The following BCO2 variants were observed in gnomAD, a reference collection of about 807,000 sequenced individuals.
The protein encoded by BCO2 is beta-carotene oxygenase 2.
In BCO2, 56 loss-of-function variants were observed where a neutral mutation model predicts 65.8. The observed-to-expected ratio is 0.85, with a 90% CI of 0.69 to 1.06. The LOEUF is 1.06. BCO2 is among the 50% of genes least tolerant of loss of function. The pLI, the probability that BCO2 is intolerant of heterozygous loss-of-function variation, is 0.00. For synonymous variants in BCO2, 233 were observed against 242.3 expected (o/e 0.96, Z 0.36); for missense variants, 675 against 698.5 (o/e 0.97, Z 0.38).
rs771241545 is a variant in BCO2, at chr11:112,179,491, T to G, written c.293+9T>G. The G allele has an allele frequency of 1.2e-6, 2 of 1,611,976 alleles. No homozygotes were observed. The stretch of plus-strand genomic sequence containing the variant: ...GAGTTTGGGAAGGATAAGTAAGCCT[T>G]GATTTTGGAGAACAACTTGGATTTC... On this transcript the variant is annotated intron_variant, in intron 2 of 11. Coordinates refer to ENST00000357685, the MANE Select transcript of BCO2 (RefSeq NM_031938.7).
chr11:112,199,111 TC>T, intron 5 of BCO2, among the ~76,000 whole-genome samples: 1 of 152,086 alleles, frequency 6.6e-6, no homozygotes, highest in South Asian at 2.1e-4. Flanking sequence ...CTCCCCTAGC[TC>T]CCCACCCCCT....
chr11:112,207,422 T>C (rs138947533), intron 8 of BCO2, among the ~76,000 whole-genome samples: 1 of 152,346 alleles, frequency 6.6e-6, no homozygotes, highest in East Asian at 1.9e-4. Flanking sequence ...TTTAGACATC[T>C]TCTCATGGCA....
At chr11:112,186,451 A>T (rs959006965) in intron 2 of BCO2, among the ~76,000 whole-genome samples, 6 of 152,178 alleles carry the variant, frequency 3.9e-5, no homozygotes, top group African/African-American at 1.4e-4. Flanking sequence ...AAGGAGATAG[A>T]CACTCAGTTT....
chr11:112,181,845 T>A, intron 2 of BCO2: 1 of 961,924 alleles, frequency 1.0e-6, no homozygotes, highest in African/African-American at 1.6e-5. Flanking sequence ...AAATCTTTGC[T>A]GTTCAAATCT....
intron 9 of BCO2, among the ~76,000 whole-genome samples, chr11:112,214,251 A>C (rs1362639229): frequency 6.6e-6 from 1 of 152,086 alleles, no homozygotes; most frequent in African/African-American, 2.4e-5. Context: ...GGTTCAAGCA[A>C]TTCTCCTGCC....
Position 112,214,004 on chromosome 11 carries a change from A to C in BCO2, c.1332+143A>C, listed in dbSNP as rs951810028. The C allele has an allele frequency of 7.2e-5, 46 of 636,122 alleles. 2 individuals are homozygous for C. The highest frequency in any genetic ancestry group is 1.1e-4 in the Non-Finnish European group (43 of 400,138). The allele number at this position is 636,122 out of a possible 1,614,324, so 39.4% of individuals were successfully genotyped here. On this transcript the variant is annotated intron_variant, in intron 9 of 11. Transcript: ENST00000357685. ...GTTAAGGTTATGTAACATCGCTTGC[A>C]CAAGAATTGCAGAAACAGTGGGAAT... is the stretch of plus-strand genomic sequence containing the variant.
At chr11:112,204,264 A>G (rs997980946) in intron 8 of BCO2, among the ~76,000 whole-genome samples, 5 of 152,046 alleles carry the variant, frequency 3.3e-5, no homozygotes, top group Non-Finnish European at 4.4e-5. Flanking sequence ...ATTGAGTAAT[A>G]CTCCATTGTG....
In BCO2 at chr11:112,181,101, A is replaced by G. The variant is rs542743160; in HGVS notation, c.293+1619A>G. The G allele has an allele frequency of 4.3e-5, 64 of 1,492,128 alleles. No homozygotes were observed. The East Asian group carries it at 1.4e-3, about 33-fold the overall frequency. 92.4% of individuals were successfully genotyped at this position (1,492,128 alleles called of 1,614,324 possible). On this transcript the variant is annotated intron_variant, in intron 2 of 11. Coordinates refer to ENST00000357685, the MANE Select transcript of BCO2 (RefSeq NM_031938.7). ...ACTACACGGAGCACTTTAGTGAATA[A>G]AGAACCTGACAGTATGCTGGCCCAC...
intron 8 of BCO2, among the ~76,000 whole-genome samples, chr11:112,212,052 A>G (rs71478724): frequency 0.49 from 29,791 of 60,494 alleles, 3,888 homozygotes; most frequent in Non-Finnish European, 0.54. Context: ...TTATAAAAAA[A>G]AAAGCTAATA....
chr11:112,180,627 G>A (rs1867011053), intron 2 of BCO2: 1 of 660,280 alleles, frequency 1.5e-6, no homozygotes, highest in African/African-American at 1.8e-5. Context: ...GAGTGCATGT[G>A]TGTGGTGTGT....
intron 2 of BCO2, among the ~76,000 whole-genome samples, chr11:112,186,064 A>G (rs1397093998): frequency 6.6e-6 from 1 of 152,162 alleles, no homozygotes; most frequent in African/African-American, 2.4e-5. Context: ...ACAGACCAAG[A>G]ATTAGGGATG....
Position 112,194,720 on chromosome 11 carries a change from C to T in BCO2, c.701C>T (p.Thr234Ile). 2 of 1,612,272 alleles carry T rather than the reference C, an allele frequency of 1.2e-6. No individual in the cohort carries two copies. Among genetic ancestry groups the T allele is most frequent in the Non-Finnish European group, 1.7e-6 (2 of 1,178,810 alleles). Residue 234 changes from threonine to isoleucine, a missense_variant, in exon 5 of 12, where the codon ACA becomes ATA. Coordinates refer to ENST00000357685, the MANE Select transcript of BCO2 (RefSeq NM_031938.7). ...CATCCTCATTATGACCTGGATGGAA[C>T]AGCATACAATATGGGGAACTCCTTT... ...TAHPHYDLDGTAYNMGNSFGP... is the reference protein window; with the variant it reads ...TAHPHYDLDGIAYNMGNSFGP...
At chr11:112,181,181 T>A in intron 2 of BCO2, 29 of 192,396 alleles carry the variant, frequency 1.5e-4, no homozygotes, top group Non-Finnish European at 2.1e-4. Flanking sequence ...AGGAGCTTTC[T>A]TTTTTTTTTT....
At position 112,175,537 on chromosome 11, in the gene BCO2, TTAG is replaced by T; in HGVS notation, c.-59_-57del. On this transcript the variant is annotated 5_prime_UTR_variant, in exon 1 of 12. Coordinates refer to ENST00000357685, the MANE Select transcript of BCO2 (RefSeq NM_031938.7). The stretch of plus-strand genomic sequence containing the variant: ...AGGCAGTTCTGTGCGTGTTCACTGT[TTAG>T]TAGTACTCAAAACTGCCAGTGTGAG... The T allele has an allele frequency of 8.4e-7, 1 of 1,187,608 alleles. No individual in the cohort carries two copies. The highest frequency in any genetic ancestry group is 1.7e-5 in the Admixed American group (1 of 58,614). The allele number at this position is 1,187,608 out of a possible 1,614,324, so 73.6% of individuals were successfully genotyped here.
chr11:112,193,625 G>T lies in BCO2; in HGVS notation c.445G>T (p.Ala149Ser). The stretch of plus-strand genomic sequence containing the variant: ...TGTGATCTCAGAATTTGGCACACTG[G>T]CTCTCCCGGATCCATGCAAGAATGT... ...RIVISEFGTL[A>S]LPDPCKNVFE... Residue 149 changes from alanine to serine, a missense_variant, in exon 3 of 12, where the codon GCT becomes TCT. Transcript: ENST00000357685. 1.9e-6 allele frequency: 3 copies of T among 1,614,116 alleles called. No homozygotes were observed. Among genetic ancestry groups the T allele is most frequent in the Non-Finnish European group, 2.5e-6 (3 of 1,180,024 alleles).
intron 2 of BCO2, among the ~76,000 whole-genome samples, chr11:112,184,692 T>G (rs1365963884): frequency 6.6e-6 from 1 of 151,602 alleles, no homozygotes; most frequent in Non-Finnish European, 1.5e-5. Context: ...TATTTTTTGT[T>G]TTTTTTTTAA....
rs777703883 is a variant in BCO2 at position 112,213,724 on chromosome 11, G to T, written c.1195G>T (p.Val399Phe). The T allele has an allele frequency of 2.5e-6, 4 of 1,612,584 alleles. No homozygotes were observed. The highest frequency in any genetic ancestry group is 2.2e-5 in the East Asian group (1 of 44,860). ...TCATCTCTTTCTTCTTCCCAAACAG[G>T]TCCATAATTCAGCAGCCAAATCTTT... ...LRKAGEGLDQ[V>F]HNSAAKSFPR... Residue 399 changes from valine to phenylalanine, a missense_variant and splice_region_variant, in exon 9 of 12, where the codon GTC becomes TTC. By Grantham distance (50) the Val-to-Phe change is conservative (BLOSUM62 -1). Transcript: ENST00000357685.
intron 2 of BCO2, among the ~76,000 whole-genome samples, chr11:112,193,164 GAGAT>G (rs1867450055): frequency 6.6e-6 from 1 of 151,304 alleles, no homozygotes; most frequent in Non-Finnish European, 1.5e-5. Context: ...TTTTTTAGTA[GAGAT>G]GGGATTTCAC....
Position 112,213,221 on chromosome 11 carries a change from G to A in BCO2, c.1195-503G>A, listed in dbSNP as rs1036115083. Reference sequence around the variant, plus strand: ...TGCAATGGCATGATCTCGGCTCACCGCAACTTCCACCTTCCAGGTTCAAGT... The same window carrying A: ...TGCAATGGCATGATCTCGGCTCACCACAACTTCCACCTTCCAGGTTCAAGT... On this transcript the variant is annotated intron_variant, in intron 8 of 11. Coordinates refer to ENST00000357685, the MANE Select transcript of BCO2 (RefSeq NM_031938.7). Among the ~76,000 whole-genome samples, 6 of 117,426 alleles carry A rather than the reference G, an allele frequency of 5.1e-5. No homozygotes were observed. The Admixed American group carries it at 6.3e-4, about 12-fold the overall frequency. 77.0% of individuals were successfully genotyped at this position (117,426 alleles called of 152,430 possible). A position where few individuals can be genotyped will look rare whatever the true frequency, so the allele number is the denominator to read the frequency against.
Sources: gnomAD v4.1 joint callset for allele counts (sites outside exome capture counted in the v4.1 genomes callset) on GRCh38, gnomAD v4.1.1 for gene constraint, MANE v1.5 for transcripts, NCBI Gene and HGNC (gene_info 2026-07-23, HGNC 2026-07-21) for gene names.